Variants in MYH9 observed in about 807,000 individuals in gnomAD.
MYH9 encodes the protein myosin-9.
Under a neutral mutation model 241.9 loss-of-function variants are expected in MYH9, and 29 were observed. The ratio of observed to expected loss-of-function variants is 0.12; its 90% CI spans 0.09 to 0.16. MYH9 has a LOEUF of 0.16. Among genes scored for constraint, MYH9 ranks in the 10% least tolerant of loss-of-function variants. MYH9 has a pLI of 1.00. For missense variants in MYH9, 1,803 were observed against 2,595.5 expected (o/e 0.69, Z 6.63); for synonymous variants, 1,047 against 1,062.6 (o/e 0.99, Z 0.29).
intron 14 of MYH9, among the ~76,000 whole-genome samples, chr22:36,309,942 T>C (rs1019278862): frequency 6.6e-6 from 1 of 152,182 alleles, no homozygotes; most frequent in Non-Finnish European, 1.5e-5. Flanking sequence ...ATAGATTCCT[T>C]TTTTCTCATT....
intron 3 of MYH9, among the ~76,000 whole-genome samples, chr22:36,337,985 G>A (rs142462455): frequency 0.016 from 2,430 of 151,770 alleles, 30 homozygotes; most frequent in Non-Finnish European, 0.024. Context: ...CAAAAAGAAG[G>A]AACTTTCTTT....
At position 36,282,388 on chromosome 22, in the gene MYH9, G is replaced by T; in HGVS notation, c.*280C>A. 1 of 582,726 alleles carries T rather than the reference G, an allele frequency of 1.7e-6. No homozygotes were observed. The highest frequency in any genetic ancestry group is 3.1e-6 in the Non-Finnish European group (1 of 324,354). 36.1% of individuals were successfully genotyped at this position (582,726 alleles called of 1,614,324 possible). A position where few individuals can be genotyped will look rare whatever the true frequency, so the allele number is the denominator to read the frequency against. ...CATCTTGTGCTTTTTGGCAAGAGAG[G>T]GCTGAGGAGCCTGCTGGTCGCTCTC... On this transcript the variant is annotated 3_prime_UTR_variant, in exon 41 of 41. Coordinates refer to ENST00000216181, the MANE Select transcript of MYH9 (RefSeq NM_002473.6).
rs566916420 is a variant in MYH9, at chr22:36,284,032, G to C, written c.5765+61C>G. The C allele has an allele frequency of 8.3e-6, 13 of 1,557,836 alleles. No homozygotes were observed. In the African/African-American group the frequency reaches 1.1e-4, roughly 14 times the overall value. ...GCCTTGCTTGTGGGCTCTGGTTGAG[G>C]AACAAGCTACCTTTTGAGAGAAGTG... is the stretch of plus-strand genomic sequence containing the variant. On this transcript the variant is annotated intron_variant, in intron 40 of 40. Transcript: ENST00000216181.
rs2146361111 is a variant in MYH9, at chr22:36,318,242, G to T, written c.1192C>A (p.Arg398=). 6.2e-7 allele frequency: 1 copy of T among 1,613,764 alleles called. No homozygotes were observed. The highest frequency in any genetic ancestry group is 8.5e-7 in the Non-Finnish European group (1 of 1,180,028). Residue 398 remains arginine (R), a synonymous_variant, in exon 11 of 41, where the codon CGG becomes AGG. Transcript: ENST00000216181. ...GTCTGCGCCTTCTGGACGTAATCCC[G>T]TCCCACCTTGATGCGCGGGGTGAGG... ...GILTPRIKVG[R]DYVQKAQTKE...
chr22:36,309,021 C>T (rs929695072), intron 15 of MYH9, among the ~76,000 whole-genome samples: 2 of 151,928 alleles, frequency 1.3e-5, no homozygotes, highest in East Asian at 1.9e-4. Flanking sequence ...GGCTTCGAGG[C>T]TCGGGGCTGC....
At position 36,299,055 on chromosome 22, in the gene MYH9, G is replaced by C. The variant is rs745511764; in HGVS notation, c.2977-13C>G. ...GCAGTTTCTTTTCCTGGGGAGAGGGGAGTAGGCTGGCATTTAGTGTTGGTT... is the reference window on the plus strand; with the variant it reads ...GCAGTTTCTTTTCCTGGGGAGAGGGCAGTAGGCTGGCATTTAGTGTTGGTT... On this transcript the variant is annotated splice_polypyrimidine_tract_variant and intron_variant, in intron 23 of 40. Transcript: ENST00000216181. 3 of 1,613,902 alleles carry C rather than the reference G, an allele frequency of 1.9e-6. No individual in the cohort carries two copies. Among genetic ancestry groups the C allele is most frequent in the Admixed American group, 1.7e-5 (1 of 60,028 alleles).
rs534674753 is a variant in MYH9, at chr22:36,318,086, T to C, written c.1227+121A>G. ...CCGGGTTGCTGTGAGGACTGCATCA[T>C]GGAATCATGTGAAAGTGCCTGACAC... is the stretch of plus-strand genomic sequence containing the variant. On this transcript the variant is annotated intron_variant, in intron 11 of 40. Transcript: ENST00000216181. The C allele has an allele frequency of 5.4e-5, 47 of 868,774 alleles. No homozygotes were observed. In the South Asian group the frequency reaches 5.4e-4, roughly 10 times the overall value. 53.8% of individuals were successfully genotyped at this position (868,774 alleles called of 1,614,324 possible). A position where few individuals can be genotyped will look rare whatever the true frequency, so the allele number is the denominator to read the frequency against.
intron 12 of MYH9, 58 bp downstream of exon 12, chr22:36,316,459 A>C (rs1031491957): frequency 6.2e-7 from 1 of 1,612,478 alleles, no homozygotes; most frequent in East Asian, 2.2e-5. Context: ...TTAACCAAGG[A>C]TAAGGCAACC....
Position 36,283,877 on chromosome 22 carries a change from CT to C in MYH9, c.5765+215del, listed in dbSNP as rs1569534629. ...AACTTCCAATTCAAAAGACAATAGA[CT>C]TTTAGGACAGCTGGGAATAAACTAC... On this transcript the variant is annotated intron_variant, in intron 40 of 40. Coordinates refer to ENST00000216181, the MANE Select transcript of MYH9 (RefSeq NM_002473.6). 2.0e-5 allele frequency among the ~76,000 whole-genome samples: 3 copies of C among 152,226 alleles called. No individual in the cohort carries two copies. In the East Asian group the frequency reaches 5.8e-4, roughly 29 times the overall value.
At chr22:36,323,597 T>C (rs1277856966) in intron 5 of MYH9, among the ~76,000 whole-genome samples, 3 of 152,072 alleles carry the variant, frequency 2.0e-5, no homozygotes, top group Admixed American at 1.3e-4. Flanking sequence ...AGGAGAGCCA[T>C]GGACCCTGGC....
chr22:36,312,374 T>A (rs888792567), intron 13 of MYH9, 152 bp from the exon 14 acceptor site: 3 of 774,848 alleles, frequency 3.9e-6, no homozygotes, highest in Non-Finnish European at 6.1e-6. Flanking sequence ...GTTGAAGATT[T>A]CTAGCTTCTA....
intron 1 of MYH9, among the ~76,000 whole-genome samples, chr22:36,385,817 C>A (rs1373421744): frequency 1.3e-5 from 2 of 152,124 alleles, no homozygotes; most frequent in African/African-American, 4.8e-5. Context: ...TTACACTGAG[C>A]AATCTCTCCA....
intron 31 of MYH9, among the ~76,000 whole-genome samples, chr22:36,289,859 A>G (rs970096372): frequency 6.6e-6 from 1 of 152,150 alleles, no homozygotes; most frequent in Non-Finnish European, 1.5e-5. Context: ...CAGATAGTGC[A>G]TTCTTTAGAG....
At chr22:36,299,985 T>G in intron 23 of MYH9, 142 bp downstream of exon 23, 2 of 1,207,628 alleles carry the variant, frequency 1.7e-6, no homozygotes, top group South Asian at 2.5e-5. Flanking sequence ...AGGGAGCACT[T>G]GCAGTTAAGC....
rs370553350 is a variant in MYH9, at chr22:36,383,441, C to T, written c.-20+4366G>A. Among the ~76,000 whole-genome samples the T allele has an allele frequency of 2.6e-5, 4 of 152,162 alleles. No homozygotes were observed. In the East Asian group the frequency reaches 5.8e-4, roughly 22 times the overall value. On this transcript the variant is annotated intron_variant, in intron 1 of 40. Coordinates refer to ENST00000216181, the MANE Select transcript of MYH9 (RefSeq NM_002473.6). ...GAGGTTACTCAGCAGAAGTTCATCA[C>T]CAAGTGCATCCAAAAGCATCAGCAG... is the stretch of plus-strand genomic sequence containing the variant.
At chr22:36,377,758 A>C (rs570200811) in intron 1 of MYH9, among the ~76,000 whole-genome samples, 1 of 152,104 alleles carries the variant, frequency 6.6e-6, no homozygotes, top group East Asian at 1.9e-4. Flanking sequence ...AAATACAAAA[A>C]AATTAGCCGG....
chr22:36,317,664 G>A (rs1011565166), intron 11 of MYH9, among the ~76,000 whole-genome samples: 4 of 152,236 alleles, frequency 2.6e-5, no homozygotes, highest in Admixed American at 6.5e-5. Flanking sequence ...TAGAAACCCC[G>A]GAGAGAGGCA....
chr22:36,308,685 G>C lies in MYH9; in HGVS notation c.1843+597C>G, dbSNP rs904022901. ...AGCCCAGGGGCAGATCAGGGAACGG[G>C]GGTGTAAGCAGGCAGGAAAAGCCAA... On this transcript the variant is annotated intron_variant, in intron 15 of 40. Transcript: ENST00000216181. 1.3e-5 allele frequency: 5 copies of C among 388,956 alleles called. No individual in the cohort carries two copies. In the East Asian group the frequency reaches 8.5e-4, roughly 66 times the overall value. 24.1% of individuals were successfully genotyped at this position (388,956 alleles called of 1,614,324 possible).
intron 31 of MYH9, among the ~76,000 whole-genome samples, chr22:36,290,776 G>A (rs1403488271): frequency 6.6e-6 from 1 of 151,736 alleles, no homozygotes; most frequent in Non-Finnish European, 1.5e-5. Flanking sequence ...CGTCTGAGAT[G>A]TGGGGAGCGC....
Sources: allele counts gnomAD v4.1 joint callset (sites outside exome capture counted in the v4.1 genomes callset), GRCh38; gene constraint gnomAD v4.1.1; transcripts MANE v1.5; gene names NCBI Gene and HGNC (gene_info 2026-07-23, HGNC 2026-07-21).